TRIM39: variants seen among roughly 807,000 people sequenced by gnomAD.
The protein encoded by TRIM39 is E3 ubiquitin-protein ligase TRIM39.
TRIM39 carries 5 observed loss-of-function variants against 53.6 expected under a neutral mutation model. That is an observed-to-expected ratio of 0.09 (90% confidence interval 0.05 to 0.20). TRIM39 has a LOEUF of 0.20. Among genes scored for constraint, TRIM39 ranks in the 10% least tolerant of loss-of-function variants. The pLI is 1.00. For synonymous variants in TRIM39, 196 were observed against 237.6 expected, an observed-to-expected ratio of 0.82 and a Z score of 1.61; for missense variants, 310 against 621.0, an observed-to-expected ratio of 0.50 and a Z score of 5.32.
At position 30,329,805 on chromosome 6, in the gene TRIM39, A is replaced by G. The variant is rs766524199; in HGVS notation, c.453+35A>G. On this transcript the variant is annotated intron_variant, in intron 3 of 7. Transcript: ENST00000396551. ...CAGACACACGATGTCAGTGTGGGTA[A>G]AAAGGGAGAAGCGGCAGAGGATGAG... is the stretch of plus-strand genomic sequence containing the variant. 3.1e-6 allele frequency: 5 copies of G among 1,593,720 alleles called. No homozygotes were observed. The South Asian group carries it at 5.6e-5, about 18-fold the overall frequency.
Position 30,339,658 on chromosome 6 carries a change from C to A in TRIM39, c.781-250C>A, listed in dbSNP as rs1025439077. 2.0e-5 allele frequency among the ~76,000 whole-genome samples: 3 copies of A among 152,156 alleles called. No homozygotes were observed. The highest frequency in any genetic ancestry group is 7.2e-5 in the African/African-American group (3 of 41,440). On this transcript the variant is annotated intron_variant, in intron 5 of 7. Transcript: ENST00000396551. This position sits in a 1 kb window ranked among gnomAD's most constrained non-coding sequence, Gnocchi z 4.2. ...TCCCAGCATCCTTGAGGAGCAAAGA[C>A]AAGCATAAAAGAAATCATTGGGAAG...
Position 30,337,539 on chromosome 6 carries a change from T to C in TRIM39, c.780+1564T>C, listed in dbSNP as rs185911901. Among the ~76,000 whole-genome samples the C allele has an allele frequency of 4.1e-4, 63 of 152,276 alleles. No individual in the cohort carries two copies. In the East Asian group the frequency reaches 0.012, roughly 28 times the overall value. Reference sequence around the variant, plus strand: ...GTCTGGGCAATATAGCAGGACCCCATCTCTACAAAAGGTAATTTTTTTTAA... The same window carrying C: ...GTCTGGGCAATATAGCAGGACCCCACCTCTACAAAAGGTAATTTTTTTTAA... On this transcript the variant is annotated intron_variant, in intron 5 of 7. Transcript: ENST00000396551.
intron 4 of TRIM39, among the ~76,000 whole-genome samples, chr6:30,331,089 G>T (rs1307321462): frequency 6.6e-6 from 1 of 152,088 alleles, no homozygotes; most frequent in Admixed American, 6.5e-5. Context: ...GGGCAACATG[G>T]TGAAACCCTG....
intron 2 of TRIM39, 85 bp from the exon 3 acceptor site, chr6:30,329,226 G>C (rs1785815739): frequency 2.1e-6 from 3 of 1,435,944 alleles, no homozygotes; most frequent in Non-Finnish European, 2.8e-6. Context: ...AGGGATAAAT[G>C]TCGGGTCAGG....
At position 30,330,882 on chromosome 6, in the gene TRIM39, G is replaced by A; in HGVS notation, c.549+6G>A. 1 of 1,613,958 alleles carries A rather than the reference G, an allele frequency of 6.2e-7. No homozygotes were observed. Among genetic ancestry groups the A allele is most frequent in the Non-Finnish European group, 8.5e-7 (1 of 1,179,960 alleles). On this transcript the variant is annotated splice_donor_region_variant and intron_variant, in intron 4 of 7. Transcript: ENST00000396551. ...AGAAGCCTGGTGAGCTCAAGGTAAAGGCAGGCAATCCCATGTAGGCTGCTC... is the reference window on the plus strand; with the variant it reads ...AGAAGCCTGGTGAGCTCAAGGTAAAAGCAGGCAATCCCATGTAGGCTGCTC...
At chr6:30,332,732 C>T (rs1786334190) in intron 4 of TRIM39, among the ~76,000 whole-genome samples, 1 of 151,982 alleles carries the variant, frequency 6.6e-6, no homozygotes, top group African/African-American at 2.4e-5. Flanking sequence ...AGAAATATAC[C>T]TTTTTAAAAC....
At chr6:30,329,113 G>A in intron 2 of TRIM39, 72 bp downstream of exon 2, 2 of 622,184 alleles carry the variant, frequency 3.2e-6, no homozygotes, top group Non-Finnish European at 5.3e-6. Context: ...TTGATGGCTG[G>A]GAGTCACAAG....
chr6:30,343,091 T>G (rs530397655), exon 8 of TRIM39: 14 of 152,742 alleles, frequency 9.2e-5, no homozygotes, highest in African/African-American at 3.4e-4. Flanking sequence ...CCTTTCACAG[T>G]GTTCCCAAGG....
intron 2 of TRIM39, 91 bp from the exon 3 acceptor site, chr6:30,329,220 A>G (rs138811470): frequency 1.4e-6 from 2 of 1,415,626 alleles, no homozygotes; most frequent in Non-Finnish European, 1.9e-6. Flanking sequence ...TAACATAGGG[A>G]TAAATGTCGG....
chr6:30,342,558 G>A lies in TRIM39; in HGVS notation c.*299G>A, dbSNP rs1787665618. On this transcript the variant is annotated 3_prime_UTR_variant, in exon 8 of 8. Transcript: ENST00000396551. The surrounding 1 kb of genome is among the most constrained non-coding windows in gnomAD (Gnocchi z 4.7). ...AAGGACGGGTCAGGAAGGAAGGAGA[G>A]GCTTTTCCAGAAACAAAAAATCTGT... 4.1e-6 allele frequency: 2 copies of A among 492,810 alleles called. No individual in the cohort carries two copies. Among genetic ancestry groups the A allele is most frequent in the East Asian group, 6.7e-5 (2 of 29,852 alleles). 30.5% of individuals were successfully genotyped at this position (492,810 alleles called of 1,614,324 possible).
At chr6:30,331,227 C>T (rs1296953417) in intron 4 of TRIM39, among the ~76,000 whole-genome samples, 1 of 151,542 alleles carries the variant, frequency 6.6e-6, no homozygotes, top group African/African-American at 2.4e-5. Flanking sequence ...CAAGATCACA[C>T]CATTGTACTC....
intron 4 of TRIM39, among the ~76,000 whole-genome samples, chr6:30,333,851 C>A (rs1270970610): frequency 2.6e-5 from 4 of 152,106 alleles, no homozygotes; most frequent in African/African-American, 9.7e-5. Flanking sequence ...TCATCAAGAA[C>A]CACTGCCCTA....
chr6:30,332,391 C>T (rs1202886831), intron 4 of TRIM39, among the ~76,000 whole-genome samples: 1 of 152,052 alleles, frequency 6.6e-6, no homozygotes, highest in Non-Finnish European at 1.5e-5. Flanking sequence ...AAAGGTTTCC[C>T]GAAGAAGTAA....
intron 7 of TRIM39, 176 bp from the exon 8 acceptor site, chr6:30,341,536 C>A: frequency 1.1e-6 from 1 of 930,392 alleles, no homozygotes; most frequent in South Asian, 1.5e-5. Flanking sequence ...GAGAAGTGAG[C>A]CATTGCTTTC....
rs1277704916 is a variant in TRIM39, at chr6:30,339,513, T to G, written c.781-395T>G. 6.6e-6 allele frequency among the ~76,000 whole-genome samples: 1 copy of G among 152,196 alleles called. No homozygotes were observed. The highest frequency in any genetic ancestry group is 1.5e-5 in the Non-Finnish European group (1 of 68,032). The stretch of plus-strand genomic sequence containing the variant: ...CCAAACCGTAACAGGAATGTGTGAT[T>G]TGTTCCTATGCCACCAGTCTGGAAC... On this transcript the variant is annotated intron_variant, in intron 5 of 7. Coordinates refer to ENST00000396551, the Ensembl canonical transcript of TRIM39. This position sits in a 1 kb window ranked among gnomAD's most constrained non-coding sequence, Gnocchi z 4.2.
At position 30,330,151 on chromosome 6, in the gene TRIM39, G is replaced by A. The variant is rs565985434; in HGVS notation, c.453+381G>A. 3.9e-4 allele frequency among the ~76,000 whole-genome samples: 60 copies of A among 152,306 alleles called. No homozygotes were observed. The South Asian group carries it at 7.0e-3, about 18-fold the overall frequency. On this transcript the variant is annotated intron_variant, in intron 3 of 7. Coordinates refer to ENST00000396551, the Ensembl canonical transcript of TRIM39. Reference sequence around the variant, plus strand: ...TCCTTGTTTTCACACTGGTTATTGGGCATAGGTAATATCGCTTGAGACTGA... The same window carrying A: ...TCCTTGTTTTCACACTGGTTATTGGACATAGGTAATATCGCTTGAGACTGA...
intron 6 of TRIM39, 127 bp downstream of exon 6, chr6:30,340,057 A>G (rs2127410354): frequency 6.9e-7 from 1 of 1,443,944 alleles, no homozygotes; most frequent in East Asian, 2.3e-5. Context: ...GGTATGGGAG[A>G]ATGTTCATTG....
In TRIM39 at chr6:30,339,488, C is replaced by T. The variant is rs1290978298; in HGVS notation, c.781-420C>T. 2.6e-5 allele frequency among the ~76,000 whole-genome samples: 4 copies of T among 152,032 alleles called. No homozygotes were observed. The highest frequency in any genetic ancestry group is 7.2e-5 in the African/African-American group (3 of 41,384). Reference sequence around the variant, plus strand: ...ATTAACTAATGCAAGACAGGGGATACCAAACCGTAACAGGAATGTGTGATT... The same window carrying T: ...ATTAACTAATGCAAGACAGGGGATATCAAACCGTAACAGGAATGTGTGATT... On this transcript the variant is annotated intron_variant, in intron 5 of 7. Coordinates refer to ENST00000396551, the Ensembl canonical transcript of TRIM39. This position sits in a 1 kb window ranked among gnomAD's most constrained non-coding sequence, Gnocchi z 4.2.
At chr6:30,327,190 C>G (rs1044492808) in intron 1 of TRIM39, 195 bp downstream of exon 1, 3 of 152,712 alleles carry the variant, frequency 2.0e-5, no homozygotes, top group African/African-American at 4.8e-5. Context: ...GCTTGGCTAC[C>G]CCGCCGTTCC....
Sources: gnomAD v4.1 joint callset for allele counts (sites outside exome capture counted in the v4.1 genomes callset) on GRCh38, gnomAD v4.1.1 for gene constraint, Gnocchi (gnomAD v3.1) non-coding constraint, MANE v1.5 for transcripts, NCBI Gene and HGNC (gene_info 2026-07-23, HGNC 2026-07-21) for gene names.